SPOCK1: variants seen among roughly 807,000 people sequenced by gnomAD.
The protein encoded by SPOCK1 is testican-1.
A neutral mutation model predicts 55.3 loss-of-function variants in SPOCK1; 23 were observed. The observed-to-expected ratio is 0.42, with a 90% CI of 0.30 to 0.59. The LOEUF is 0.59. Among genes scored for constraint, SPOCK1 ranks in the 20% least tolerant of loss-of-function variants. The probability of loss-of-function intolerance (pLI) is 0.22; values close to 1 mark genes in which losing one functional copy is unlikely to be tolerated. For synonymous variants in SPOCK1, 226 were observed against 221.0 expected (o/e 1.02, Z -0.20); for missense variants, 499 against 552.5 (o/e 0.90, Z 0.97).
intron 6 of SPOCK1, among the ~76,000 whole-genome samples, chr5:137,051,919 C>T (rs1311988712): frequency 6.6e-6 from 1 of 152,174 alleles, no homozygotes; most frequent in Non-Finnish European, 1.5e-5. Context: ...TGGCTTACTG[C>T]TTTTGACCTG....
chr5:136,994,036 G>T (rs565368182), intron 6 of SPOCK1, among the ~76,000 whole-genome samples: 55 of 152,226 alleles, frequency 3.6e-4, no homozygotes, highest in African/African-American at 1.3e-3. Flanking sequence ...GCTTCCCAGA[G>T]CTCAGGCAGA....
chr5:137,481,373 A>G (rs1291826493), intron 2 of SPOCK1, among the ~76,000 whole-genome samples: 1 of 152,242 alleles, frequency 6.6e-6, no homozygotes, highest in African/African-American at 2.4e-5. Context: ...GCCTGGTACC[A>G]TGCCTAGCAC....
chr5:137,159,356 C>T (rs536755791), intron 3 of SPOCK1, among the ~76,000 whole-genome samples: 1 of 152,224 alleles, frequency 6.6e-6, no homozygotes, highest in African/African-American at 2.4e-5. Context: ...CACAAGTCTC[C>T]AAGTAAAGCT....
At chr5:136,990,436 A>AG (rs1400841877) in intron 7 of SPOCK1, among the ~76,000 whole-genome samples, 7 of 152,130 alleles carry the variant, frequency 4.6e-5, no homozygotes, top group Non-Finnish European at 1.0e-4. Context: ...AAAAAAAAAA[A>AG]AAAATGTTGG....
chr5:137,496,516 A>G (rs1754301846), intron 2 of SPOCK1, among the ~76,000 whole-genome samples: 1 of 152,384 alleles, frequency 6.6e-6, no homozygotes, highest in Admixed American at 6.5e-5. Context: ...GCACCAAGGC[A>G]TCTATCTCCA....
intron 6 of SPOCK1, 193 bp from the exon 7 acceptor site, chr5:136,992,793 C>G (rs1750973613): frequency 2.1e-6 from 1 of 478,216 alleles, no homozygotes; most frequent in African/African-American, 2.0e-5. Flanking sequence ...GCCTAGACCC[C>G]CAGGGCAAGC....
At chr5:137,375,945 T>C (rs964580419) in intron 2 of SPOCK1, among the ~76,000 whole-genome samples, 3 of 152,310 alleles carry the variant, frequency 2.0e-5, no homozygotes, top group Admixed American at 1.3e-4. Flanking sequence ...CTTAGAAGAA[T>C]GCTCCCTTCC....
intron 2 of SPOCK1, among the ~76,000 whole-genome samples, chr5:137,319,211 C>T (rs1353864497): frequency 6.6e-6 from 1 of 152,180 alleles, no homozygotes. Context: ...CATCAGAGAA[C>T]TGAGGATTCA....
intron 5 of SPOCK1, among the ~76,000 whole-genome samples, chr5:137,109,658 C>T (rs1420047182): frequency 6.6e-6 from 1 of 152,126 alleles, no homozygotes. Context: ...CCTCCCTCTC[C>T]TTCTTATCTC....
intron 3 of SPOCK1, among the ~76,000 whole-genome samples, chr5:137,187,576 G>T (rs1755094192): frequency 6.6e-6 from 1 of 152,062 alleles, no homozygotes; most frequent in Non-Finnish European, 1.5e-5. Flanking sequence ...ATTTGCCATT[G>T]TTATCTACCC....
intron 4 of SPOCK1, among the ~76,000 whole-genome samples, chr5:137,116,212 C>T (rs1282959909): frequency 1.3e-5 from 2 of 152,218 alleles, no homozygotes; most frequent in African/African-American, 4.8e-5. Context: ...AGATCACTGG[C>T]ATTTCCTATT....
intron 3 of SPOCK1, among the ~76,000 whole-genome samples, chr5:137,217,739 G>A (rs932079215): frequency 1.3e-5 from 2 of 152,066 alleles, no homozygotes; most frequent in African/African-American, 4.8e-5. Flanking sequence ...TACTTAAAAC[G>A]CCTGACTCAG....
intron 2 of SPOCK1, among the ~76,000 whole-genome samples, chr5:137,354,433 C>A (rs764197282): frequency 6.6e-6 from 1 of 152,100 alleles, no homozygotes; most frequent in Admixed American, 6.5e-5. Context: ...CTTGACCCCC[C>A]CAGGCAGCCT....
intron 3 of SPOCK1, among the ~76,000 whole-genome samples, chr5:137,257,765 C>T (rs1173847815): frequency 2.0e-5 from 3 of 152,328 alleles, no homozygotes; most frequent in African/African-American, 7.2e-5. Context: ...CTTCTAGGAT[C>T]CTTTTCCTGA....
chr5:136,985,307 G>A (rs1052551499), intron 8 of SPOCK1, 105 bp from the exon 9 acceptor site: 33 of 1,120,062 alleles, frequency 2.9e-5, no homozygotes, highest in Non-Finnish European at 4.2e-5. Flanking sequence ...ACACCTGGGA[G>A]TGGAATTGTT....
intron 4 of SPOCK1, among the ~76,000 whole-genome samples, chr5:137,116,450 G>A (rs1301684683): frequency 1.3e-5 from 2 of 151,992 alleles, no homozygotes; most frequent in African/African-American, 2.4e-5. Context: ...TTCGAGACCA[G>A]CCTGGCCAAC....
intron 2 of SPOCK1, among the ~76,000 whole-genome samples, chr5:137,347,072 TC>T (rs1750574393): frequency 6.6e-6 from 1 of 152,138 alleles, no homozygotes; most frequent in African/African-American, 2.4e-5. Context: ...ATTACCTTGG[TC>T]CAGGCCTGTC....
chr5:137,463,006 G>A (rs1753521501), intron 2 of SPOCK1, among the ~76,000 whole-genome samples: 1 of 152,196 alleles, frequency 6.6e-6, no homozygotes, highest in Non-Finnish European at 1.5e-5. Flanking sequence ...TCATTCAGGG[G>A]CTTCATGGGC....
intron 3 of SPOCK1, among the ~76,000 whole-genome samples, chr5:137,220,224 T>C (rs1755818548): frequency 6.6e-6 from 1 of 152,196 alleles, no homozygotes; most frequent in Non-Finnish European, 1.5e-5. Context: ...ACATCCCATA[T>C]TGACAACTCC....
Sources: allele counts gnomAD v4.1 joint callset (sites outside exome capture counted in the v4.1 genomes callset), GRCh38; gene constraint gnomAD v4.1.1; transcripts MANE v1.5; gene names NCBI Gene and HGNC (gene_info 2026-07-23, HGNC 2026-07-21).